Variants in TOX observed in about 807,000 individuals in gnomAD.
TOX encodes thymocyte selection associated high mobility group box.
In TOX, 11 loss-of-function variants were observed where a neutral mutation model predicts 53.7. That is an observed-to-expected ratio of 0.20 (90% confidence interval 0.13 to 0.34). The LOEUF (loss-of-function observed/expected upper bound fraction) is 0.34. Ranked by LOEUF, TOX falls within the 10% of genes least tolerant of loss-of-function variation. TOX has a pLI of 1.00. For synonymous variants in TOX, 225 were observed against 245.3 expected, an observed-to-expected ratio of 0.92 and a Z score of 0.77; for missense variants, 570 against 664.6, an observed-to-expected ratio of 0.86 and a Z score of 1.56.
chr8:59,001,599 A>C (rs1248567255), intron 1 of TOX, among the ~76,000 whole-genome samples: 1 of 152,204 alleles, frequency 6.6e-6, no homozygotes, highest in Admixed American at 6.5e-5. Flanking sequence ...AGTTTCAAAA[A>C]CCATCCTGAG....
chr8:59,084,245 T>TATCA (rs1804468562), intron 1 of TOX, among the ~76,000 whole-genome samples: 1 of 152,144 alleles, frequency 6.6e-6, no homozygotes, highest in Non-Finnish European at 1.5e-5. Context: ...ACATCTTTAT[T>TATCA]ATCAAACTAT....
Position 58,851,546 on chromosome 8 carries a change from T to A in TOX, c.671A>T (p.Asp224Val), listed in dbSNP as rs1231690697. Residue 224 changes from aspartate to valine, a missense_variant, in exon 4 of 9, where the codon GAT (aspartate) becomes GTT (valine). Coordinates refer to ENST00000361421, the MANE Select transcript of TOX (RefSeq NM_014729.3). The surrounding 1 kb of genome is among the most constrained non-coding windows in gnomAD (Gnocchi z 4.4). ...TPSPSSSVHEDEGDDTSKING... is the reference protein window; with the variant it reads ...TPSPSSSVHEVEGDDTSKING... ...TACCTTAGAGGTATCATCGCCTTCATCTTCATGCACTGAACTGGATGGTGA... is the reference window on the plus strand; with the variant it reads ...TACCTTAGAGGTATCATCGCCTTCAACTTCATGCACTGAACTGGATGGTGA... The A allele has an allele frequency of 6.2e-7, 1 of 1,613,146 alleles. No homozygotes were observed.
intron 1 of TOX, among the ~76,000 whole-genome samples, chr8:58,981,598 G>T (rs770529801): frequency 6.6e-6 from 1 of 151,782 alleles, no homozygotes; most frequent in Non-Finnish European, 1.5e-5. Context: ...CATCTTTTCC[G>T]TTGAGTTTCC....
chr8:58,981,343 T>A (rs893625350), intron 1 of TOX, among the ~76,000 whole-genome samples: 6 of 152,144 alleles, frequency 3.9e-5, no homozygotes, highest in Non-Finnish European at 7.4e-5. Context: ...ATTTCAGAAT[T>A]CATCACTTCA....
At chr8:58,907,823 A>G (rs1811843443) in intron 3 of TOX, among the ~76,000 whole-genome samples, 1 of 152,206 alleles carries the variant, frequency 6.6e-6, no homozygotes, top group African/African-American at 2.4e-5. Flanking sequence ...CACAAACTAG[A>G]TGCTCAGTTT....
chr8:59,062,448 A>T (rs1228625037), intron 1 of TOX, among the ~76,000 whole-genome samples: 1 of 152,252 alleles, frequency 6.6e-6, no homozygotes, highest in Non-Finnish European at 1.5e-5. Flanking sequence ...TTTTATAAAT[A>T]TGGAAAATTT....
intron 3 of TOX, among the ~76,000 whole-genome samples, chr8:58,927,345 CAATTGAGGTT>C (rs1287630426): frequency 1.3e-5 from 2 of 152,142 alleles, no homozygotes; most frequent in Non-Finnish European, 2.9e-5. Flanking sequence ...ACAAAAGGCT[CAATTGAGGTT>C]TCCAATGCAA....
At chr8:59,068,899 T>C (rs1804143057) in intron 1 of TOX, among the ~76,000 whole-genome samples, 1 of 152,166 alleles carries the variant, frequency 6.6e-6, no homozygotes, top group Admixed American at 6.5e-5. Context: ...CAGGAAGGGC[T>C]TCCTAAAAGG....
At chr8:58,845,285 A>T (rs1397670083) in intron 4 of TOX, among the ~76,000 whole-genome samples, 1 of 152,164 alleles carries the variant, frequency 6.6e-6, no homozygotes, top group African/African-American at 2.4e-5. Context: ...GGCTGAACAA[A>T]CAACATAGAA....
chr8:58,875,871 T>C (rs1271701569), intron 3 of TOX, among the ~76,000 whole-genome samples: 1 of 152,226 alleles, frequency 6.6e-6, no homozygotes, highest in Non-Finnish European at 1.5e-5. Flanking sequence ...CTGACCATTC[T>C]GGGACTGTAT....
chr8:59,044,700 A>G (rs1396936116), intron 1 of TOX, among the ~76,000 whole-genome samples: 1 of 152,180 alleles, frequency 6.6e-6, no homozygotes, highest in African/African-American at 2.4e-5. Flanking sequence ...TTCTCCACCA[A>G]GGCTCTTTCA....
chr8:59,012,289 G>A (rs1364350951), intron 1 of TOX, among the ~76,000 whole-genome samples: 1 of 152,044 alleles, frequency 6.6e-6, no homozygotes. Context: ...TTGTAGAAAG[G>A]ATGGAGGAAC....
chr8:58,922,556 A>G (rs1480437239), intron 3 of TOX, among the ~76,000 whole-genome samples: 2 of 152,136 alleles, frequency 1.3e-5, no homozygotes, highest in African/African-American at 4.8e-5. Flanking sequence ...GTGTATATAC[A>G]TATATATAAA....
At chr8:58,963,300 TAGATAG>T (rs1812833022) in intron 1 of TOX, among the ~76,000 whole-genome samples, 1 of 83,376 alleles carries the variant, frequency 1.2e-5, no homozygotes, top group Non-Finnish European at 2.8e-5. Flanking sequence ...AGAAGATAGA[TAGATAG>T]ATATATATAT....
intron 3 of TOX, among the ~76,000 whole-genome samples, chr8:58,884,267 C>G (rs990230454): frequency 2.6e-5 from 4 of 152,120 alleles, no homozygotes; most frequent in Admixed American, 6.5e-5. Flanking sequence ...GGATGAAGCA[C>G]AGCATATACT....
chr8:59,083,884 A>G (rs10504284), intron 1 of TOX, among the ~76,000 whole-genome samples: 2,434 of 152,320 alleles, frequency 0.016, 57 homozygotes, highest in African/African-American at 0.056. Flanking sequence ...CCTCAGTGAC[A>G]GAGTAGAAAA....
intron 4 of TOX, among the ~76,000 whole-genome samples, chr8:58,838,697 G>GTTTTTTTTTTTTTTTTT (rs1810590539): frequency 1.7e-4 from 13 of 76,668 alleles, no homozygotes; most frequent in African/African-American, 5.6e-4. Context: ...AGTTATCCTT[G>GTTTTTTTTTTTTTTTTT]TCTTTTTTTT....
chr8:58,856,344 T>G (rs1299549191), intron 3 of TOX, among the ~76,000 whole-genome samples: 1 of 152,214 alleles, frequency 6.6e-6, no homozygotes, highest in Non-Finnish European at 1.5e-5. Flanking sequence ...GATTAGTTCA[T>G]GACTAATGCA....
chr8:58,930,446 G>C (rs938563761), intron 3 of TOX, among the ~76,000 whole-genome samples: 1 of 152,238 alleles, frequency 6.6e-6, no homozygotes, highest in Non-Finnish European at 1.5e-5. Context: ...ATGAGGCAGA[G>C]AGAGAACAAG....
Sources: allele counts gnomAD v4.1 joint callset (sites outside exome capture counted in the v4.1 genomes callset), GRCh38; gene constraint gnomAD v4.1.1; non-coding constraint Gnocchi (gnomAD v3.1); transcripts MANE v1.5; gene names NCBI Gene and HGNC (gene_info 2026-07-23, HGNC 2026-07-21).